Variants in EP400 observed in about 807,000 individuals in gnomAD.
EP400 encodes the protein E1A-binding protein p400.
Under a neutral mutation model 354.1 loss-of-function variants are expected in EP400, and 105 were observed. The ratio of observed to expected loss-of-function variants is 0.30; its 90% CI spans 0.25 to 0.35. The LOEUF is 0.35. EP400 is among the 10% of genes least tolerant of loss of function. The probability of loss-of-function intolerance (pLI) is 1.00; values close to 1 mark genes in which losing one functional copy is unlikely to be tolerated. For synonymous variants in EP400, 1,646 were observed against 1,716.9 expected, an observed-to-expected ratio of 0.96 and a Z score of 1.02; for missense variants, 3,280 against 4,121.0, an observed-to-expected ratio of 0.80 and a Z score of 5.59.
intron 45 of EP400, among the ~76,000 whole-genome samples, chr12:132,058,651 A>G (rs1047853271): frequency 2.0e-5 from 3 of 152,086 alleles, no homozygotes; most frequent in African/African-American, 7.2e-5. Context: ...CGCCCAGCCT[A>G]GACTATGGAT....
intron 12 of EP400, among the ~76,000 whole-genome samples, chr12:132,001,877 A>G (rs1015727387): frequency 6.6e-6 from 1 of 152,242 alleles, no homozygotes; most frequent in Non-Finnish European, 1.5e-5. Flanking sequence ...AGTAATTGCT[A>G]CAAACTAGTG....
intron 45 of EP400, among the ~76,000 whole-genome samples, chr12:132,061,185 G>A (rs1895682765): frequency 6.6e-6 from 1 of 152,150 alleles, no homozygotes; most frequent in Non-Finnish European, 1.5e-5. Flanking sequence ...TTTAGGAAAA[G>A]CATGGAGTAT....
chr12:131,951,065 A>ATTTTTTTTTTTTTTTT (rs750396319), intron 1 of EP400, among the ~76,000 whole-genome samples: 7 of 104,200 alleles, frequency 6.7e-5, no homozygotes, highest in East Asian at 3.0e-4. Flanking sequence ...ACGCCTGGCT[A>ATTTTTTTTTTTTTTTT]TTTTTTTTTT....
Position 132,038,435 on chromosome 12 carries a change from C to G in EP400, c.6207+339C>G, listed in dbSNP as rs1894787634. ...CTCTGGAGGCTCTGCGGGCACTACC[C>G]CTACTCCCCTCTAGCTGGCTGTGTT... On this transcript the variant is annotated intron_variant, in intron 32 of 52. Coordinates refer to ENST00000389561, the MANE Select transcript of EP400 (RefSeq NM_015409.5). The surrounding 1 kb of genome is among the most constrained non-coding windows in gnomAD (Gnocchi z 4.2). 3.3e-5 allele frequency among the ~76,000 whole-genome samples: 5 copies of G among 152,188 alleles called. No individual in the cohort carries two copies. In the South Asian group the frequency reaches 1.0e-3, roughly 31 times the overall value.
intron 45 of EP400, among the ~76,000 whole-genome samples, chr12:132,060,787 G>A (rs796313640): frequency 6.6e-6 from 1 of 152,126 alleles, no homozygotes; most frequent in South Asian, 2.1e-4. Context: ...GGTGGCACAT[G>A]CCTGTAATGC....
intron 27 of EP400, 32 bp downstream of exon 27, chr12:132,028,320 C>T: frequency 6.2e-7 from 1 of 1,601,686 alleles, no homozygotes; most frequent in South Asian, 1.1e-5. Flanking sequence ...TTTCGGTGCT[C>T]TCTGGCTGCA....
Position 132,045,532 on chromosome 12 carries a change from T to G in EP400, c.6998T>G (p.Leu2333Arg). Residue 2333 changes from leucine (L) to arginine (R), a missense_variant, in exon 38 of 53, where the codon CTC becomes CGC. Coordinates refer to ENST00000389561, the MANE Select transcript of EP400 (RefSeq NM_015409.5). ...AEPGQDNPEW[L>R]ISEDWALLQA... ...CCTGGTCAAGACAACCCCGAGTGGC[T>G]CATCAGTGAGGACTGGGCGCTGCTG... The G allele has an allele frequency of 6.2e-7, 1 of 1,614,194 alleles. No homozygotes were observed. Among genetic ancestry groups the G allele is most frequent in the East Asian group, 2.2e-5 (1 of 44,878 alleles).
chr12:132,069,689 G>C, intron 51 of EP400, 48 bp downstream of exon 51: 3 of 1,606,760 alleles, frequency 1.9e-6, no homozygotes, highest in Non-Finnish European at 2.6e-6. Flanking sequence ...GTGGGTGCCC[G>C]GCCTTTGGAT....
At chr12:131,992,297 G>A (rs1893067211) in intron 11 of EP400, 67 bp downstream of exon 11, 1 of 1,446,610 alleles carries the variant, frequency 6.9e-7, no homozygotes, top group Non-Finnish European at 9.4e-7. Context: ...CAGAGCTGCA[G>A]CGACTTGGGG....
At position 132,011,426 on chromosome 12, in the gene EP400, G is replaced by C. The variant is rs1893760335; in HGVS notation, c.3305-72G>C. On this transcript the variant is annotated intron_variant, in intron 15 of 52. Transcript: ENST00000389561. ...TACTCATACTGATGAAGCGTCTCTG[G>C]TCAGACACAGTGCTAGGTGCCTGGA... 3.2e-6 allele frequency: 5 copies of C among 1,569,050 alleles called. 1 individual carries two copies. In the South Asian group the frequency reaches 4.7e-5, roughly 15 times the overall value.
In EP400 at chr12:132,025,930, T is replaced by C. The variant is rs1223500507; in HGVS notation, c.5014+126T>C. 8.7e-7 allele frequency: 1 copy of C among 1,151,812 alleles called. No individual in the cohort carries two copies. The highest frequency in any genetic ancestry group is 1.6e-5 in the African/African-American group (1 of 63,620). The allele number at this position is 1,151,812 out of a possible 1,614,324, so 71.3% of individuals were successfully genotyped here. On this transcript the variant is annotated intron_variant, in intron 25 of 52. Coordinates refer to ENST00000389561, the MANE Select transcript of EP400 (RefSeq NM_015409.5). This position sits in a 1 kb window ranked among gnomAD's most constrained non-coding sequence, Gnocchi z 4.1. Reference sequence around the variant, plus strand: ...AACAGCACAGTCTAGTGTGTGGCCATCTCTGATTTCTATAGATGTGTCCTA... The same window carrying C: ...AACAGCACAGTCTAGTGTGTGGCCACCTCTGATTTCTATAGATGTGTCCTA...
chr12:132,073,459 C>CTTTTTTTTTTTTTTTTTTTTTTT (rs58724167), intron 51 of EP400, among the ~76,000 whole-genome samples: 1,309 of 117,454 alleles, frequency 0.011, 148 homozygotes, highest in African/African-American at 0.026. Flanking sequence ...GTCCCTTTTC[C>CTTTTTTTTTTTTTTTTTTTTTTT]TTTTTTTTTT....
intron 6 of EP400, 39 bp from the exon 7 acceptor site, chr12:131,987,666 C>T: frequency 6.6e-7 from 1 of 1,518,646 alleles, no homozygotes; most frequent in South Asian, 1.3e-5. Context: ...ACACACTCAT[C>T]ACATGCCGAC....
Position 132,006,834 on chromosome 12 carries a change from A to G in EP400, c.3261A>G (p.Thr1087=). ...ILADEAGLGK[T]VQIIAFFAHL... ...CAGATGAAGCTGGGCTGGGTAAAAC[A>G]GTGCAGATCATTGCTTTTTTTGCCC... Residue 1087 remains threonine (T), a synonymous_variant, in exon 15 of 53, where the codon ACA becomes ACG. Transcript: ENST00000389561. The G allele has an allele frequency of 1.2e-6, 2 of 1,613,576 alleles. No individual in the cohort carries two copies. The highest frequency in any genetic ancestry group is 1.7e-6 in the Non-Finnish European group (2 of 1,179,882).
At position 132,044,959 on chromosome 12, in the gene EP400, C is replaced by T. The variant is rs200257274; in HGVS notation, c.6784+6C>T. The T allele has an allele frequency of 2.9e-5, 47 of 1,613,448 alleles. No homozygotes were observed. The East Asian group carries it at 8.5e-4, about 29-fold the overall frequency. On this transcript the variant is annotated splice_donor_region_variant and intron_variant, in intron 37 of 52. Coordinates refer to ENST00000389561, the MANE Select transcript of EP400 (RefSeq NM_015409.5). Reference sequence around the variant, plus strand: ...ACACAAAACAGACCCCTCAGGTGCGCATCCCGAGGGCGTCACATGACCTGG... The same window carrying T: ...ACACAAAACAGACCCCTCAGGTGCGTATCCCGAGGGCGTCACATGACCTGG...
chr12:132,062,483 C>A lies in EP400; in HGVS notation c.8116C>A (p.Pro2706Thr). 1 of 1,613,068 alleles carries A rather than the reference C, an allele frequency of 6.2e-7. No homozygotes were observed. Among genetic ancestry groups the A allele is most frequent in the Non-Finnish European group, 8.5e-7 (1 of 1,180,020 alleles). ...CTTCATAGCCACAGGAGTTCAGCTC[C>A]CTGGAAAAACCATCACACCTGCACA... is the stretch of plus-strand genomic sequence containing the variant. ...QVSQATGVQLPGKTITPAHFQ... is the reference protein window; with the variant it reads ...QVSQATGVQLTGKTITPAHFQ... The change falls in exon 47 of 53, where the codon CCT (proline) becomes ACT (threonine). Residue 2706 changes from proline (P) to threonine (T), a missense_variant. Transcript: ENST00000389561.
chr12:132,025,708 G>C lies in EP400; in HGVS notation c.4918G>C (p.Val1640Leu). 2 of 1,613,512 alleles carry C rather than the reference G, an allele frequency of 1.2e-6. No homozygotes were observed. Among genetic ancestry groups the C allele is most frequent in the Non-Finnish European group, 1.7e-6 (2 of 1,179,916 alleles). ...CTACCTTCGAGCCCCTGGCCCTGTG[G>C]TGATGCAGACCGTGTCTCAGGCGGG... is the stretch of plus-strand genomic sequence containing the variant. ...QPYLRAPGPV[V>L]MQTVSQAGAV... The change falls in exon 25 of 53, where the codon GTG (valine) becomes CTG (leucine). Residue 1640 changes from valine (V) to leucine (L), a missense_variant. By Grantham distance (32) the Val-to-Leu change is conservative (BLOSUM62 1). This residue lies in a region of EP400 where 459 missense variants were observed against 496.9 expected (regional missense o/e 0.92). Coordinates refer to ENST00000389561, the MANE Select transcript of EP400 (RefSeq NM_015409.5). This position sits in a 1 kb window ranked among gnomAD's most constrained non-coding sequence, Gnocchi z 4.1.
At chr12:131,968,725 T>G (rs1892186099) in intron 2 of EP400, among the ~76,000 whole-genome samples, 1 of 152,322 alleles carries the variant, frequency 6.6e-6, no homozygotes, top group East Asian at 1.9e-4. Context: ...CTCCATTTAT[T>G]TCAGTATTCT....
Position 131,994,975 on chromosome 12 carries a change from A to G in EP400, c.2827+19A>G. ...AAGGAAGGTAGGCTGTTGCTACCTT[A>G]TTAAACATTCAGTAAGTAAAAAGAA... On this transcript the variant is annotated intron_variant, in intron 12 of 52. Coordinates refer to ENST00000389561, the MANE Select transcript of EP400 (RefSeq NM_015409.5). The surrounding 1 kb of genome is among the most constrained non-coding windows in gnomAD (Gnocchi z 4.6). The G allele has an allele frequency of 1.9e-6, 3 of 1,601,726 alleles. No homozygotes were observed. The highest frequency in any genetic ancestry group is 2.6e-6 in the Non-Finnish European group (3 of 1,169,434).
Sources: gnomAD v4.1 joint callset for allele counts (sites outside exome capture counted in the v4.1 genomes callset) on GRCh38, gnomAD v4.1.1 for gene constraint, gnomAD v4.1.1 regional missense constraint, Gnocchi (gnomAD v3.1) non-coding constraint, MANE v1.5 for transcripts, NCBI Gene and HGNC (gene_info 2026-07-23, HGNC 2026-07-21) for gene names.